IMMP2L: variants seen among roughly 807,000 people sequenced by gnomAD.
IMMP2L encodes the protein inner mitochondrial membrane peptidase subunit 2, also known as mitochondrial inner membrane protease subunit 2.
A neutral mutation model predicts 19.3 loss-of-function variants in IMMP2L; 18 were observed. That is an observed-to-expected ratio of 0.93 (90% CI 0.64 to 1.38). The LOEUF (loss-of-function observed/expected upper bound fraction) is 1.38, where lower values mean the gene tolerates loss of function less well. Ranked by LOEUF, IMMP2L falls within the 40% of genes most tolerant of loss-of-function variation. IMMP2L has a pLI of 0.00. For synonymous variants in IMMP2L, 76 were observed against 73.0 expected, an observed-to-expected ratio of 1.04 and a Z score of -0.21; for missense variants, 233 against 218.2, an observed-to-expected ratio of 1.07 and a Z score of -0.43.
intron 3 of IMMP2L, among the ~76,000 whole-genome samples, chr7:111,444,396 T>C (rs578025550): frequency 7.9e-5 from 12 of 152,198 alleles, no homozygotes; most frequent in African/African-American, 2.9e-4. Flanking sequence ...ACTTACAAGC[T>C]TGGACAAGTT....
chr7:110,668,494 GTGAT>G (rs1272925098), intron 5 of IMMP2L, among the ~76,000 whole-genome samples: 1 of 152,100 alleles, frequency 6.6e-6, no homozygotes, highest in African/African-American at 2.4e-5. Flanking sequence ...TTTCATAAGG[GTGAT>G]TTGCCAGTCT....
intron 3 of IMMP2L, among the ~76,000 whole-genome samples, chr7:111,039,591 C>G (rs964670016): frequency 2.6e-5 from 4 of 152,102 alleles, no homozygotes; most frequent in African/African-American, 7.2e-5. Flanking sequence ...AGCTCTCCCC[C>G]CTTTGTATTC....
At chr7:111,240,131 A>G (rs1172616495) in intron 3 of IMMP2L, among the ~76,000 whole-genome samples, 1 of 151,938 alleles carries the variant, frequency 6.6e-6, no homozygotes, top group Non-Finnish European at 1.5e-5. Context: ...AACAAAGGGT[A>G]TCAATAATAT....
chr7:111,256,545 C>T (rs1183708254), intron 3 of IMMP2L, among the ~76,000 whole-genome samples: 2 of 152,044 alleles, frequency 1.3e-5, no homozygotes, highest in African/African-American at 4.8e-5. Context: ...TCCACATTTA[C>T]AAATAAGCAG....
Position 111,157,155 on chromosome 7 carries a change from C to T in IMMP2L, c.240-193590G>A, listed in dbSNP as rs118125181. Among the ~76,000 whole-genome samples the T allele has an allele frequency of 5.0e-3, 762 of 152,080 alleles. 4 individuals are homozygous for T. The highest frequency in any genetic ancestry group is 0.02 in the Middle Eastern group (6 of 294). On this transcript the variant is annotated intron_variant, in intron 3 of 5. Transcript: ENST00000405709. Reference sequence around the variant, plus strand: ...ATGTAAATTAGTACCGCCACTACAGCGAACAGTTTGGAGGCTCCTCATAAA... The same window carrying T: ...ATGTAAATTAGTACCGCCACTACAGTGAACAGTTTGGAGGCTCCTCATAAA...
In IMMP2L at chr7:111,349,295, T is replaced by C. The variant is rs986826516; in HGVS notation, c.239+137943A>G. Among the ~76,000 whole-genome samples the C allele has an allele frequency of 2.6e-5, 4 of 152,134 alleles. No homozygotes were observed. In the East Asian group the frequency reaches 7.7e-4, roughly 29 times the overall value. On this transcript the variant is annotated intron_variant, in intron 3 of 5. Transcript: ENST00000405709. ...TAACAAATATGAAGGAGCACCTATGTTGAGCAGCTGCTATGTTAGGCATTG... is the reference window on the plus strand; with the variant it reads ...TAACAAATATGAAGGAGCACCTATGCTGAGCAGCTGCTATGTTAGGCATTG...
chr7:111,281,086 AAGAGAGAGAAAG>A (rs1266192099), intron 3 of IMMP2L, among the ~76,000 whole-genome samples: 3,195 of 131,662 alleles, frequency 0.024, 145 homozygotes, highest in East Asian at 0.046. Context: ...GAAAGAAGGA[AAGAGAGAGAAAG>A]AGAGAAAGAG....
At chr7:110,998,691 G>T in intron 3 of IMMP2L, among the ~76,000 whole-genome samples, 1 of 152,152 alleles carries the variant, frequency 6.6e-6, no homozygotes, top group East Asian at 1.9e-4. Context: ...GTCAACTAGA[G>T]TGCCAAATGG....
intron 1 of IMMP2L, among the ~76,000 whole-genome samples, chr7:111,550,452 G>C (rs1475051254): frequency 1.3e-5 from 2 of 152,046 alleles, no homozygotes; most frequent in Non-Finnish European, 2.9e-5. Context: ...ATGAACTTTG[G>C]GGGATAATGA....
At chr7:110,947,872 T>C (rs930150096) in intron 4 of IMMP2L, among the ~76,000 whole-genome samples, 2 of 152,184 alleles carry the variant, frequency 1.3e-5, no homozygotes, top group African/African-American at 4.8e-5. Flanking sequence ...TATAATTTAT[T>C]TGTGTAATAA....
chr7:111,415,975 T>A (rs144729364), intron 3 of IMMP2L, among the ~76,000 whole-genome samples: 4 of 151,902 alleles, frequency 2.6e-5, no homozygotes, highest in African/African-American at 9.7e-5. Context: ...GAGATTTGCA[T>A]AATTTTCCTT....
In IMMP2L at chr7:111,216,967, T is replaced by C. The variant is rs117344269; in HGVS notation, c.240-253402A>G. Among the ~76,000 whole-genome samples the C allele has an allele frequency of 6.0e-3, 915 of 152,174 alleles. 5 individuals are homozygous for C. Among genetic ancestry groups the C allele is most frequent in the Non-Finnish European group, 9.5e-3 (645 of 68,002 alleles). On this transcript the variant is annotated intron_variant, in intron 3 of 5. Transcript: ENST00000405709. ...ATGCATGCAAGTGATTTTGCCCATATAAATACTTGAAATAAAACCCTAAAT... is the reference window on the plus strand; with the variant it reads ...ATGCATGCAAGTGATTTTGCCCATACAAATACTTGAAATAAAACCCTAAAT...
At chr7:111,407,779 G>C (rs1834023722) in intron 3 of IMMP2L, among the ~76,000 whole-genome samples, 1 of 151,842 alleles carries the variant, frequency 6.6e-6, no homozygotes, top group South Asian at 2.1e-4. Context: ...TCTATACTTA[G>C]CATGAGTGAA....
At chr7:111,215,953 C>T (rs1811882090) in intron 3 of IMMP2L, among the ~76,000 whole-genome samples, 1 of 152,102 alleles carries the variant, frequency 6.6e-6, no homozygotes, top group Non-Finnish European at 1.5e-5. Flanking sequence ...ATCTTGATTA[C>T]TATAATTTCT....
At chr7:111,237,150 C>A (rs1814426118) in intron 3 of IMMP2L, among the ~76,000 whole-genome samples, 1 of 151,886 alleles carries the variant, frequency 6.6e-6, no homozygotes. Flanking sequence ...ATTTCCACAC[C>A]CAGATATAAT....
chr7:111,409,631 T>C (rs1411092929), intron 3 of IMMP2L, among the ~76,000 whole-genome samples: 2 of 151,758 alleles, frequency 1.3e-5, no homozygotes, highest in Non-Finnish European at 2.9e-5. Context: ...GATTTGAAAT[T>C]TCTGAAAATA....
intron 3 of IMMP2L, among the ~76,000 whole-genome samples, chr7:111,040,221 A>G (rs1381638498): frequency 6.6e-6 from 1 of 152,218 alleles, no homozygotes; most frequent in African/African-American, 2.4e-5. Context: ...TGATTAAAAA[A>G]TTAAACCAAA....
chr7:111,038,900 A>G (rs1791610919), intron 3 of IMMP2L, among the ~76,000 whole-genome samples: 1 of 152,180 alleles, frequency 6.6e-6, no homozygotes, highest in Non-Finnish European at 1.5e-5. Flanking sequence ...GGGGACGATA[A>G]CTCATTAATC....
Position 111,475,531 on chromosome 7 carries a change from A to G in IMMP2L, c.239+11707T>C, listed in dbSNP as rs552049761. 2.0e-5 allele frequency among the ~76,000 whole-genome samples: 3 copies of G among 152,258 alleles called. 1 individual carries two copies. The South Asian group carries it at 6.2e-4, about 32-fold the overall frequency. ...TTTTCCAAGACCTAAAATATGAAGC[A>G]GAATATAGACTATGGTATCTTTATT... On this transcript the variant is annotated intron_variant, in intron 3 of 5. Transcript: ENST00000405709.
Sources: allele counts gnomAD v4.1 joint callset (sites outside exome capture counted in the v4.1 genomes callset), GRCh38; gene constraint gnomAD v4.1.1; transcripts MANE v1.5; gene names NCBI Gene and HGNC (gene_info 2026-07-23, HGNC 2026-07-21).